Variants in CUBN observed in about 807,000 individuals in gnomAD.
CUBN encodes the protein cubilin.
Under a neutral mutation model 405.3 loss-of-function variants are expected in CUBN, and 282 were observed. The ratio of observed to expected loss-of-function variants is 0.70; its 90% confidence interval spans 0.63 to 0.77. The LOEUF is 0.77. Among genes scored for constraint, CUBN ranks in the 30% least tolerant of loss-of-function variants. The pLI is 0.00. For missense variants in CUBN, 4,514 were observed against 4,475.2 expected (o/e 1.01, Z -0.25); for synonymous variants, 1,684 against 1,617.0 (o/e 1.04, Z -0.99).
intron 24 of CUBN, among the ~76,000 whole-genome samples, chr10:17,045,571 G>A (rs1029219638): frequency 3.3e-5 from 5 of 151,810 alleles, no homozygotes; most frequent in African/African-American, 1.2e-4. Context: ...TAGAGACTAT[G>A]TTTAGTAGAG....
At chr10:17,059,240 T>A (rs1835455170) in intron 22 of CUBN, among the ~76,000 whole-genome samples, 1 of 152,126 alleles carries the variant, frequency 6.6e-6, no homozygotes, top group Non-Finnish European at 1.5e-5. Flanking sequence ...ACTAAACATT[T>A]TCAAATAAGT....
intron 56 of CUBN, among the ~76,000 whole-genome samples, chr10:16,882,593 C>G (rs117269944): frequency 0.025 from 3,824 of 152,280 alleles, 67 homozygotes; most frequent in Non-Finnish European, 0.04. Context: ...AGTTGGACCA[C>G]AGTTTTTCTC....
At chr10:17,021,855 T>C (rs942787082) in intron 27 of CUBN, among the ~76,000 whole-genome samples, 2 of 152,158 alleles carry the variant, frequency 1.3e-5, no homozygotes, top group Non-Finnish European at 2.9e-5. Flanking sequence ...TGTTATGGGC[T>C]TGTGTGTCTT....
At chr10:17,055,194 C>T (rs1835363544) in intron 22 of CUBN, among the ~76,000 whole-genome samples, 1 of 151,946 alleles carries the variant, frequency 6.6e-6, no homozygotes, top group Admixed American at 6.6e-5. Flanking sequence ...TTGAAAGATA[C>T]CAAAAGATGC....
chr10:17,017,259 C>T (rs182778893), intron 28 of CUBN, among the ~76,000 whole-genome samples: 93 of 152,286 alleles, frequency 6.1e-4, no homozygotes, highest in African/African-American at 2.0e-3. Flanking sequence ...CACTAGTTTT[C>T]CTCCTAGACC....
chr10:17,084,860 CA>C (rs1350499665), intron 16 of CUBN, among the ~76,000 whole-genome samples: 1 of 152,006 alleles, frequency 6.6e-6, no homozygotes, highest in East Asian at 1.9e-4. Flanking sequence ...AAGATGTAGC[CA>C]GGGGGAGTTG....
chr10:17,079,233 C>CT lies in CUBN; in HGVS notation c.2301+5037dup, dbSNP rs1409761346. On this transcript the variant is annotated intron_variant, in intron 17 of 66. Transcript: ENST00000377833. ...AATCCAATATGCTCAAGAATGCAAA[C>CT]TCTTTTTTTTTTTTTTTTTTTAGAT... Among the ~76,000 whole-genome samples the CT allele has an allele frequency of 3.2e-3, 290 of 91,630 alleles. 2 individuals carry two copies. The highest frequency in any genetic ancestry group is 5.2e-3 in the Non-Finnish European group (253 of 48,632). 60.1% of individuals were successfully genotyped at this position (91,630 alleles called of 152,430 possible).
At position 16,915,924 on chromosome 10, in the gene CUBN, C is replaced by G. The variant is rs145537365; in HGVS notation, c.7107G>C (p.Gly2369=). ...AGATGGTGAGATAGTGTCCAGAGAG[C>G]CCCTGGAGATGCCACTCACAGAATA... ...DNLFCEWHLQ[G]LSGHYLTISF... The change falls in exon 46 of 67, where the codon GGG becomes GGC. Residue 2369 remains glycine (G), a synonymous_variant. Transcript: ENST00000377833. The G allele has an allele frequency of 6.2e-7, 1 of 1,613,734 alleles. No homozygotes were observed. Among genetic ancestry groups the G allele is most frequent in the South Asian group, 1.1e-5 (1 of 91,082 alleles).
chr10:16,974,890 G>A (rs1276391248), intron 31 of CUBN, among the ~76,000 whole-genome samples: 3 of 152,180 alleles, frequency 2.0e-5, no homozygotes, highest in African/African-American at 7.2e-5. Flanking sequence ...CAGTTTTCTT[G>A]ATAGCATTTT....
At chr10:16,943,745 G>A (rs529266611) in intron 36 of CUBN, among the ~76,000 whole-genome samples, 11 of 152,204 alleles carry the variant, frequency 7.2e-5, no homozygotes, top group African/African-American at 2.7e-4. Flanking sequence ...CAGTGAGAAA[G>A]TGAATTTCAG....
At chr10:16,828,782 T>C in intron 66 of CUBN, 23 bp downstream of exon 66, 2 of 1,513,170 alleles carry the variant, frequency 1.3e-6, no homozygotes, top group Non-Finnish European at 1.8e-6. Flanking sequence ...CAAATGGGAA[T>C]ATAAAATGTT....
chr10:16,971,315 G>A (rs1832927012), intron 31 of CUBN, among the ~76,000 whole-genome samples: 1 of 152,216 alleles, frequency 6.6e-6, no homozygotes, highest in Admixed American at 6.5e-5. Flanking sequence ...CCATCTGGCT[G>A]TAAAGATAGA....
chr10:16,923,769 A>G (rs957828472), intron 43 of CUBN, among the ~76,000 whole-genome samples: 4 of 152,212 alleles, frequency 2.6e-5, no homozygotes, highest in African/African-American at 9.6e-5. Flanking sequence ...CTTTAAAAAT[A>G]TAAATCAAAC....
intron 62 of CUBN, among the ~76,000 whole-genome samples, chr10:16,837,308 C>G (rs551977603): frequency 6.6e-6 from 1 of 152,006 alleles, no homozygotes; most frequent in Non-Finnish European, 1.5e-5. Flanking sequence ...GGTGGGGGGC[C>G]AGCCTCGGGG....
chr10:16,972,742 A>G (rs896681376), intron 31 of CUBN, among the ~76,000 whole-genome samples: 8 of 151,948 alleles, frequency 5.3e-5, no homozygotes, highest in Non-Finnish European at 1.2e-4. Flanking sequence ...TCATTCTTCA[A>G]GCAAATAGGC....
At chr10:16,972,289 C>T (rs1270505442) in intron 31 of CUBN, among the ~76,000 whole-genome samples, 1 of 152,100 alleles carries the variant, frequency 6.6e-6, no homozygotes, top group Non-Finnish European at 1.5e-5. Context: ...ACCCAATATA[C>T]AGAAATTATC....
Position 17,103,189 on chromosome 10 carries a change from C to A in CUBN, c.1466G>T (p.Ser489Ile). 1 of 1,613,942 alleles carries A rather than the reference C, an allele frequency of 6.2e-7. No homozygotes were observed. Among genetic ancestry groups the A allele is most frequent in the Admixed American group, 1.7e-5 (1 of 60,022 alleles). The change falls in exon 13 of 67, where the codon AGC (serine) becomes ATC (isoleucine). Residue 489 changes from serine to isoleucine, a missense_variant. Coordinates refer to ENST00000377833, the MANE Select transcript of CUBN (RefSeq NM_001081.4). The part of the protein sequence containing the change: ...SGINGSFSYR[S>I]PDVGYVHDVN... ...ATCATGAACATAACCAACATCCGGGCTCCTGTAGCTGAAGCTTCCATTTAT... is the reference window on the plus strand; with the variant it reads ...ATCATGAACATAACCAACATCCGGGATCCTGTAGCTGAAGCTTCCATTTAT...
intron 27 of CUBN, among the ~76,000 whole-genome samples, chr10:17,030,103 T>C (rs1834757305): frequency 6.6e-6 from 1 of 152,176 alleles, no homozygotes; most frequent in East Asian, 1.9e-4. Flanking sequence ...TGATAATCTG[T>C]CATTGTTTCC....
chr10:16,859,092 C>T (rs528443127), intron 59 of CUBN, among the ~76,000 whole-genome samples: 2 of 152,146 alleles, frequency 1.3e-5, no homozygotes, highest in Non-Finnish European at 2.9e-5. Flanking sequence ...GTATCAAAAA[C>T]ATGATCTATA....
Sources: gnomAD v4.1 joint callset for allele counts (sites outside exome capture counted in the v4.1 genomes callset) on GRCh38, gnomAD v4.1.1 for gene constraint, MANE v1.5 for transcripts, NCBI Gene and HGNC (gene_info 2026-07-23, HGNC 2026-07-21) for gene names.